Variants in C8orf34 observed in about 807,000 individuals in gnomAD.
C8orf34 encodes uncharacterized protein C8orf34.
Under a neutral mutation model 68.3 loss-of-function variants are expected in C8orf34, and 65 were observed. The observed-to-expected ratio is 0.95, with a 90% CI of 0.78 to 1.17. The LOEUF is 1.17. Among genes scored for constraint, C8orf34 ranks in the 50% most tolerant of loss-of-function variants. C8orf34 has a pLI of 0.00. For missense variants in C8orf34, 664 were observed against 655.4 expected (o/e 1.01, Z -0.14); for synonymous variants, 244 against 241.2 (o/e 1.01, Z -0.11).
At chr8:68,378,856 G>A (rs1438171902) in intron 1 of C8orf34, among the ~76,000 whole-genome samples, 2 of 152,080 alleles carry the variant, frequency 1.3e-5, no homozygotes, top group Admixed American at 1.3e-4. Flanking sequence ...TGCCTCTATT[G>A]TAACTTTATT....
At chr8:68,783,668 C>T (rs1823759319) in intron 11 of C8orf34, among the ~76,000 whole-genome samples, 1 of 152,074 alleles carries the variant, frequency 6.6e-6, no homozygotes, top group African/African-American at 2.4e-5. Context: ...GAGCTGTCCC[C>T]ACTTTTCTGG....
Position 68,387,396 on chromosome 8 carries a change from C to G in C8orf34, c.328-52103C>G, listed in dbSNP as rs77365944. ...AACCTAGGGTGATGGTTAAGTGGAC[C>G]TGGGAAAGGAGGCAGCAGGTGAGGA... On this transcript the variant is annotated intron_variant, in intron 1 of 13. Coordinates refer to ENST00000518698, the MANE Select transcript of C8orf34 (RefSeq NM_052958.4). Among the ~76,000 whole-genome samples, 1,040 of 152,074 alleles carry G rather than the reference C, an allele frequency of 6.8e-3. 14 individuals carry two copies. The highest frequency in any genetic ancestry group is 0.023 in the African/African-American group (963 of 41,484).
intron 8 of C8orf34, among the ~76,000 whole-genome samples, chr8:68,708,065 A>G (rs1221632611): frequency 6.6e-6 from 1 of 152,216 alleles, no homozygotes; most frequent in African/African-American, 2.4e-5. Flanking sequence ...AACCACACAA[A>G]GCTTAGCAAA....
chr8:68,616,532 T>C (rs1336983734), intron 7 of C8orf34, among the ~76,000 whole-genome samples: 1 of 152,238 alleles, frequency 6.6e-6, no homozygotes, highest in Non-Finnish European at 1.5e-5. Flanking sequence ...TATTTCTGCC[T>C]TCATTTCGTT....
chr8:68,639,545 G>A (rs760926310), intron 7 of C8orf34, among the ~76,000 whole-genome samples: 16 of 152,064 alleles, frequency 1.1e-4, no homozygotes, highest in Non-Finnish European at 1.9e-4. Flanking sequence ...CATATGTTAT[G>A]CCTTCAATAA....
chr8:68,565,847 T>C (rs1816571865), intron 7 of C8orf34, among the ~76,000 whole-genome samples: 1 of 152,186 alleles, frequency 6.6e-6, no homozygotes, highest in African/African-American at 2.4e-5. Flanking sequence ...AAATGGAACA[T>C]AGCTATGTAG....
At chr8:68,671,654 T>C (rs987194016) in intron 8 of C8orf34, among the ~76,000 whole-genome samples, 1 of 152,212 alleles carries the variant, frequency 6.6e-6, no homozygotes, top group Non-Finnish European at 1.5e-5. Context: ...AAATTGTTGC[T>C]AAAAAATTAA....
chr8:68,614,151 G>C (rs1322587812), intron 7 of C8orf34, among the ~76,000 whole-genome samples: 1 of 151,918 alleles, frequency 6.6e-6, no homozygotes, highest in African/African-American at 2.4e-5. Flanking sequence ...TTTTTTTCTT[G>C]TAAATTTGTT....
chr8:68,758,459 A>T (rs527743992), intron 10 of C8orf34, among the ~76,000 whole-genome samples: 4 of 152,180 alleles, frequency 2.6e-5, no homozygotes, highest in African/African-American at 9.6e-5. Flanking sequence ...CTTAGTCTGC[A>T]GTGGTCTTGG....
At chr8:68,700,429 A>G (rs921134737) in intron 8 of C8orf34, among the ~76,000 whole-genome samples, 1 of 152,116 alleles carries the variant, frequency 6.6e-6, no homozygotes, top group African/African-American at 2.4e-5. Flanking sequence ...GGGAGGAAGA[A>G]CATGCTGAAG....
intron 1 of C8orf34, among the ~76,000 whole-genome samples, chr8:68,384,966 G>C (rs1808198307): frequency 6.6e-6 from 1 of 152,110 alleles, no homozygotes; most frequent in Non-Finnish European, 1.5e-5. Context: ...GGGTGTTCTT[G>C]ATTAAGAAGA....
At chr8:68,803,829 G>C (rs1330836222) in intron 12 of C8orf34, among the ~76,000 whole-genome samples, 1 of 151,846 alleles carries the variant, frequency 6.6e-6, no homozygotes, top group South Asian at 2.1e-4. Context: ...TTTTTTAACT[G>C]AATTATACTT....
chr8:68,459,675 A>G (rs895598990), intron 3 of C8orf34, among the ~76,000 whole-genome samples: 3 of 152,196 alleles, frequency 2.0e-5, no homozygotes, highest in African/African-American at 7.2e-5. Context: ...CCCAAAGAAA[A>G]ACAAACAATA....
chr8:68,490,340 A>G (rs1159544402), intron 5 of C8orf34, among the ~76,000 whole-genome samples: 1 of 151,922 alleles, frequency 6.6e-6, no homozygotes, highest in Non-Finnish European at 1.5e-5. Context: ...CTGAGCTCTG[A>G]CTTGCAGCGG....
At chr8:68,406,764 G>A (rs1353619619) in intron 1 of C8orf34, among the ~76,000 whole-genome samples, 1 of 152,076 alleles carries the variant, frequency 6.6e-6, no homozygotes, top group East Asian at 1.9e-4. Context: ...CAAATTGCTG[G>A]GATTACAGGC....
chr8:68,540,231 G>C (rs973117116), intron 7 of C8orf34, among the ~76,000 whole-genome samples: 2 of 151,060 alleles, frequency 1.3e-5, no homozygotes, highest in Non-Finnish European at 2.9e-5. Context: ...TCAAAATCTA[G>C]TGATTTTATT....
At chr8:68,738,573 A>G (rs1822187664) in intron 10 of C8orf34, among the ~76,000 whole-genome samples, 1 of 152,032 alleles carries the variant, frequency 6.6e-6, no homozygotes. Flanking sequence ...AGAGACCCAA[A>G]CAAACACAAT....
At chr8:68,808,594 G>A (rs1218515617) in intron 12 of C8orf34, among the ~76,000 whole-genome samples, 1 of 151,022 alleles carries the variant, frequency 6.6e-6, no homozygotes, top group African/African-American at 2.4e-5. Flanking sequence ...AAAAACATTT[G>A]CATAACATTT....
At chr8:68,695,250 G>A (rs113120554) in intron 8 of C8orf34, among the ~76,000 whole-genome samples, 5 of 151,116 alleles carry the variant, frequency 3.3e-5, no homozygotes, top group African/African-American at 7.3e-5. Context: ...GGATTCAACC[G>A]ATTCTCCTGC....
Sources: gnomAD v4.1 joint callset for allele counts (sites outside exome capture counted in the v4.1 genomes callset) on GRCh38, gnomAD v4.1.1 for gene constraint, MANE v1.5 for transcripts, NCBI Gene and HGNC (gene_info 2026-07-23, HGNC 2026-07-21) for gene names.